Variants in DAB1 observed in about 807,000 individuals in gnomAD.
The protein encoded by DAB1 is disabled homolog 1.
DAB1 carries 15 observed loss-of-function variants against 64.6 expected under a neutral mutation model. That is an observed-to-expected ratio of 0.23 (90% CI 0.16 to 0.36). DAB1 has a LOEUF of 0.36. Ranked by LOEUF, DAB1 falls within the 10% of genes least tolerant of loss-of-function variation. DAB1 has a pLI of 1.00. For synonymous variants in DAB1, 235 were observed against 251.9 expected, an observed-to-expected ratio of 0.93 and a Z score of 0.64; for missense variants, 596 against 706.7, an observed-to-expected ratio of 0.84 and a Z score of 1.78.
At chr1:57,092,028 G>A (rs1653727588) in intron 4 of DAB1, among the ~76,000 whole-genome samples, 1 of 152,066 alleles carries the variant, frequency 6.6e-6, no homozygotes, top group African/African-American at 2.4e-5. Context: ...TCTCTCTTTG[G>A]CACATGGGAT....
chr1:57,894,242 A>C (rs144230249), intron 5 of DAB1, among the ~76,000 whole-genome samples: 97 of 151,666 alleles, frequency 6.4e-4, no homozygotes, highest in African/African-American at 2.3e-3. Context: ...ATAAACATTC[A>C]CTCCTGCTCT....
intron 5 of DAB1, among the ~76,000 whole-genome samples, chr1:58,002,884 CTT>C (rs1646528197): frequency 6.6e-6 from 1 of 152,070 alleles, no homozygotes; most frequent in East Asian, 1.9e-4. Flanking sequence ...AGTTATTTAT[CTT>C]TTGAGTCCTT....
intron 5 of DAB1, among the ~76,000 whole-genome samples, chr1:57,998,606 C>T (rs1480171354): frequency 6.6e-6 from 1 of 152,102 alleles, no homozygotes; most frequent in African/African-American, 2.4e-5. Context: ...TCAGGTGATC[C>T]ACCTGCCTTG....
intron 1 of DAB1, among the ~76,000 whole-genome samples, chr1:57,312,654 G>C (rs559154329): frequency 6.6e-6 from 1 of 152,190 alleles, no homozygotes; most frequent in South Asian, 2.1e-4. Flanking sequence ...ATCATACAAA[G>C]GCTTTATTAA....
intron 7 of DAB1, among the ~76,000 whole-genome samples, chr1:57,629,911 A>C (rs1356264700): frequency 6.6e-6 from 1 of 152,118 alleles, no homozygotes; most frequent in Admixed American, 6.6e-5. Context: ...CATTCCCATG[A>C]TAATACTCAG....
At chr1:58,417,933 C>A (rs1400277583) in intron 3 of DAB1, among the ~76,000 whole-genome samples, 1 of 152,182 alleles carries the variant, frequency 6.6e-6, no homozygotes, top group Non-Finnish European at 1.5e-5. Context: ...ATGAAACTAT[C>A]ACAATCCCTT....
chr1:58,133,679 T>C (rs990881741), intron 5 of DAB1, among the ~76,000 whole-genome samples: 2 of 152,242 alleles, frequency 1.3e-5, no homozygotes, highest in African/African-American at 4.8e-5. Context: ...TCTCACTTGT[T>C]TTTTGAATAG....
At chr1:57,682,124 T>C (rs1302370021) in intron 6 of DAB1, among the ~76,000 whole-genome samples, 1 of 151,780 alleles carries the variant, frequency 6.6e-6, no homozygotes, top group African/African-American at 2.4e-5. Flanking sequence ...CACAAAGGTG[T>C]AAACATGGAA....
chr1:57,981,764 C>T (rs1646071869), intron 5 of DAB1, among the ~76,000 whole-genome samples: 1 of 152,162 alleles, frequency 6.6e-6, no homozygotes, highest in Non-Finnish European at 1.5e-5. Context: ...AGCAAATGAG[C>T]CTTTTGGATT....
At chr1:57,129,905 C>T (rs1434599886) in intron 4 of DAB1, among the ~76,000 whole-genome samples, 9 of 151,968 alleles carry the variant, frequency 5.9e-5, no homozygotes, top group Admixed American at 4.6e-4. Context: ...CTGTTCCTCC[C>T]TTCTGTGTTT....
At chr1:58,351,585 C>T (rs1293134379) in intron 3 of DAB1, among the ~76,000 whole-genome samples, 1 of 151,776 alleles carries the variant, frequency 6.6e-6, no homozygotes, top group Non-Finnish European at 1.5e-5. Flanking sequence ...GTAAGTTCTC[C>T]AGCCTCTCTG....
intron 5 of DAB1, among the ~76,000 whole-genome samples, chr1:58,025,186 A>G (rs1448437815): frequency 6.6e-6 from 1 of 151,872 alleles, no homozygotes; most frequent in Admixed American, 6.6e-5. Flanking sequence ...TAGCAACATA[A>G]ACATTCTTTG....
intron 2 of DAB1, among the ~76,000 whole-genome samples, chr1:57,213,151 A>G (rs1666160404): frequency 7.0e-6 from 1 of 143,506 alleles, no homozygotes; most frequent in African/African-American, 2.5e-5. Flanking sequence ...AGAATTTTAA[A>G]TGTTCTAGTG....
At chr1:57,816,062 C>T (rs1188553262) in intron 6 of DAB1, among the ~76,000 whole-genome samples, 4 of 152,178 alleles carry the variant, frequency 2.6e-5, no homozygotes, top group Admixed American at 6.5e-5. Context: ...TGTGTGCCAA[C>T]GTTTCCCTCA....
chr1:57,768,846 G>C (rs1226102422), intron 6 of DAB1, among the ~76,000 whole-genome samples: 1 of 151,948 alleles, frequency 6.6e-6, no homozygotes, highest in Non-Finnish European at 1.5e-5. Flanking sequence ...TATTTCATAG[G>C]GGGCTTGGAA....
intron 1 of DAB1, among the ~76,000 whole-genome samples, chr1:57,829,149 G>A (rs1322695855): frequency 6.6e-6 from 1 of 152,070 alleles, no homozygotes; most frequent in Admixed American, 6.6e-5. Flanking sequence ...TTCACTTACA[G>A]CATCTGAGCT....
chr1:57,548,643 C>T (rs1368884111), intron 7 of DAB1, among the ~76,000 whole-genome samples: 2 of 152,194 alleles, frequency 1.3e-5, no homozygotes, highest in South Asian at 2.1e-4. Context: ...AAGAATAGCA[C>T]ACAATCTTCC....
chr1:57,391,925 C>T (rs1307958878), intron 1 of DAB1, among the ~76,000 whole-genome samples: 1 of 152,032 alleles, frequency 6.6e-6, no homozygotes, highest in East Asian at 1.9e-4. Flanking sequence ...ATCACAATTC[C>T]TATCATTCAT....
At chr1:57,330,992 C>A (rs1467139039) in intron 1 of DAB1, among the ~76,000 whole-genome samples, 3 of 152,196 alleles carry the variant, frequency 2.0e-5, no homozygotes, top group South Asian at 2.1e-4. Context: ...CTGACCCTGA[C>A]ACCCTTGCCT....
Sources: allele counts gnomAD v4.1 joint callset (sites outside exome capture counted in the v4.1 genomes callset), GRCh38; gene constraint gnomAD v4.1.1; transcripts MANE v1.5; gene names NCBI Gene and HGNC (gene_info 2026-07-23, HGNC 2026-07-21).